C17orf75: variants seen among roughly 807,000 people sequenced by gnomAD.
The protein encoded by C17orf75 is chromosome 17 open reading frame 75.
Under a neutral mutation model 49.6 loss-of-function variants are expected in C17orf75, and 32 were observed. The observed-to-expected ratio is 0.65, with a 90% CI of 0.49 to 0.87. The LOEUF (loss-of-function observed/expected upper bound fraction) is 0.87, where lower values mean the gene tolerates loss of function less well. C17orf75 is among the 40% of genes least tolerant of loss of function. C17orf75 has a pLI of 0.00. For synonymous variants in C17orf75, 158 were observed against 159.5 expected, an observed-to-expected ratio of 0.99 and a Z score of 0.07; for missense variants, 428 against 473.9, an observed-to-expected ratio of 0.90 and a Z score of 0.90.
intron 4 of C17orf75, 86 bp downstream of exon 4, chr17:32,338,122 G>C: frequency 6.4e-7 from 1 of 1,568,034 alleles, no homozygotes; most frequent in Non-Finnish European, 8.7e-7. Flanking sequence ...GAGTAGAAAA[G>C]CTTTTTGGAG....
At position 32,331,505 on chromosome 17, in the gene C17orf75, C is replaced by T. The variant is rs1370273382; in HGVS notation, c.*258G>A. 3.0e-6 allele frequency: 1 copy of T among 338,536 alleles called. No homozygotes were observed. The highest frequency in any genetic ancestry group is 2.1e-5 in the African/African-American group (1 of 47,394). 21.0% of individuals were successfully genotyped at this position (338,536 alleles called of 1,614,324 possible). On this transcript the variant is annotated 3_prime_UTR_variant, in exon 10 of 10. Coordinates refer to ENST00000577809, the MANE Select transcript of C17orf75 (RefSeq NM_022344.4). Reference sequence around the variant, plus strand: ...ATCATCTCTGAAATTTTTTAAGCAACAACTTCCTGAAGCGTGGAATTTATG... The same window carrying T: ...ATCATCTCTGAAATTTTTTAAGCAATAACTTCCTGAAGCGTGGAATTTATG...
In C17orf75 at chr17:32,331,928, C is replaced by A; in HGVS notation, c.1026G>T (p.Met342Ile). 3 of 1,613,386 alleles carry A rather than the reference C, an allele frequency of 1.9e-6. No homozygotes were observed. Among genetic ancestry groups the A allele is most frequent in the Non-Finnish European group, 2.5e-6 (3 of 1,179,646 alleles). Reference protein sequence around the residue: ...NLKRFIRQAEMNHYALFKCYM... With the variant: ...NLKRFIRQAEINHYALFKCYM... ...AACATTTAAACAAAGCATAATGATT[C>A]ATTTCTGCCTGTCGGATAAATCTCT... Residue 342 changes from methionine to isoleucine, a missense_variant, in exon 10 of 10, where the codon ATG (methionine) becomes ATT (isoleucine). Coordinates refer to ENST00000577809, the MANE Select transcript of C17orf75 (RefSeq NM_022344.4).
At chr17:32,341,651 G>T in intron 1 of C17orf75, 1 of 361,502 alleles carries the variant, frequency 2.8e-6, no homozygotes, top group Non-Finnish European at 4.5e-6. Context: ...TGGGAGAAGT[G>T]GGGAGATAAT....
intron 5 of C17orf75, among the ~76,000 whole-genome samples, chr17:32,337,453 A>G (rs2150776499): frequency 1.3e-5 from 2 of 151,794 alleles, no homozygotes; most frequent in African/African-American, 4.8e-5. Context: ...ACAAAGCAAG[A>G]CCCTGTCTAA....
At chr17:32,337,656 C>T (rs2041338813) in intron 5 of C17orf75, among the ~76,000 whole-genome samples, 1 of 152,094 alleles carries the variant, frequency 6.6e-6, no homozygotes, top group Admixed American at 6.6e-5. Context: ...TCACTGAAAC[C>T]TCTGCCTCCC....
At chr17:32,342,319 CA>C, upstream of C17orf75, 11 of 1,042,248 alleles carry the variant, frequency 1.1e-5, no homozygotes, top group Non-Finnish European at 1.4e-5. Flanking sequence ...CAGGGGCTGA[CA>C]GGCGTACTGA....
intron 9 of C17orf75, 97 bp from the exon 10 acceptor site, chr17:32,332,075 T>C (rs2041279575): frequency 1.0e-6 from 1 of 972,234 alleles, no homozygotes; most frequent in South Asian, 1.7e-5. Flanking sequence ...CATATCTTCC[T>C]GAATTGTTTG....
In C17orf75 at chr17:32,331,605, G is replaced by T. The variant is rs1393491956; in HGVS notation, c.*158C>A. The T allele has an allele frequency of 1.5e-6, 1 of 655,118 alleles. No individual in the cohort carries two copies. Among genetic ancestry groups the T allele is most frequent in the African/African-American group, 1.8e-5 (1 of 54,820 alleles). 40.6% of individuals were successfully genotyped at this position (655,118 alleles called of 1,614,324 possible). A position where few individuals can be genotyped will look rare whatever the true frequency, so the allele number is the denominator to read the frequency against. Reference sequence around the variant, plus strand: ...TAGGACTCAGTGAAGATGTTCTTCAGATTTTTATTTAAGTTAAATTGGTAA... The same window carrying T: ...TAGGACTCAGTGAAGATGTTCTTCATATTTTTATTTAAGTTAAATTGGTAA... On this transcript the variant is annotated 3_prime_UTR_variant, in exon 10 of 10. Transcript: ENST00000577809.
At position 32,331,529 on chromosome 17, in the gene C17orf75, TG is replaced by T. The variant is rs1479823422; in HGVS notation, c.*233del. On this transcript the variant is annotated 3_prime_UTR_variant, in exon 10 of 10. Transcript: ENST00000577809. ...ACAACTTCCTGAAGCGTGGAATTTA[TG>T]GGGCCAGTGAGACACTAAAATTTCA... The T allele has an allele frequency of 2.5e-6, 1 of 403,466 alleles. No individual in the cohort carries two copies. The allele number at this position is 403,466 out of a possible 1,614,324, so 25.0% of individuals were successfully genotyped here.
chr17:32,345,999 C>T (rs1195595432), upstream of C17orf75, among the ~76,000 whole-genome samples: 2 of 152,152 alleles, frequency 1.3e-5, no homozygotes, highest in Non-Finnish European at 2.9e-5. Context: ...TTAGTATATA[C>T]ACATATCCAT....
At chr17:32,340,644 C>CAAAAAAA (rs762499682) in intron 2 of C17orf75, among the ~76,000 whole-genome samples, 1 of 122,570 alleles carries the variant, frequency 8.2e-6, no homozygotes. Context: ...GACTCTGTCT[C>CAAAAAAA]AAAAAAAAAA....
At chr17:32,342,232 C>T (rs1245733298), upstream of C17orf75, 7 of 1,387,128 alleles carry the variant, frequency 5.0e-6, no homozygotes, top group Admixed American at 2.7e-5. Context: ...GCTCCCGGCC[C>T]TCGCACACCT....
chr17:32,342,640 C>T (rs1236787748), upstream of C17orf75, among the ~76,000 whole-genome samples: 1 of 152,140 alleles, frequency 6.6e-6, no homozygotes, highest in Non-Finnish European at 1.5e-5. Context: ...AAAATGACTA[C>T]GTAAAAACTA....
In C17orf75 at chr17:32,328,903, A is replaced by G. The variant is rs1475019098; in HGVS notation, c.*2860T>C. 1.2e-5 allele frequency: 1 copy of G among 84,788 alleles called. No homozygotes were observed. The highest frequency in any genetic ancestry group is 2.4e-5 in the Non-Finnish European group (1 of 42,332). The allele number at this position is 84,788 out of a possible 1,614,324, so 5.3% of individuals were successfully genotyped here. ...AGATTCTGTCTTAAAAAATAAAACA[A>G]AAACAAAAAAAAAAACAACTTTAAA... On this transcript the variant is annotated 3_prime_UTR_variant, in exon 10 of 10. Coordinates refer to ENST00000577809, the MANE Select transcript of C17orf75 (RefSeq NM_022344.4).
upstream of C17orf75, chr17:32,343,826 G>C (rs2041403689): frequency 1.5e-6 from 1 of 673,398 alleles, no homozygotes; most frequent in Admixed American, 2.0e-5. Context: ...GTAGTCTCTT[G>C]AGATATACTT....
chr17:32,349,601 A>C (rs1355685779), intron 1 of C17orf75, among the ~76,000 whole-genome samples: 1 of 152,064 alleles, frequency 6.6e-6, no homozygotes, highest in African/African-American at 2.4e-5. Context: ...AACAAAACAA[A>C]GAAAAACAAA....
At chr17:32,343,743 C>G (rs991936423), upstream of C17orf75, 3 of 612,834 alleles carry the variant, frequency 4.9e-6, no homozygotes, top group Non-Finnish European at 8.8e-6. Flanking sequence ...GTTTCCTTAT[C>G]TCTCATTTCA....
rs1415031715 is a variant in C17orf75 at position 32,335,369 on chromosome 17, C to G, written c.623G>C (p.Arg208Thr). 4 of 1,613,790 alleles carry G rather than the reference C, an allele frequency of 2.5e-6. No homozygotes were observed. The highest frequency in any genetic ancestry group is 3.3e-5 in the Admixed American group (2 of 59,994). The change falls in exon 6 of 10, where the codon AGG becomes ACG. Residue 208 changes from arginine to threonine, a missense_variant. By Grantham distance (71) the Arg-to-Thr change is moderately conservative. Coordinates refer to ENST00000577809, the MANE Select transcript of C17orf75 (RefSeq NM_022344.4). ...WFEDVVCPIQ[R>T]VVLLFQEKLT... Reference sequence around the variant, plus strand: ...CTTTTCCTGAAAGAGAAGAACAACCCTTTGGATTGGGCATACAACATCCTC... The same window carrying G: ...CTTTTCCTGAAAGAGAAGAACAACCGTTTGGATTGGGCATACAACATCCTC...
chr17:32,341,791 C>A (rs1004378987), intron 1 of C17orf75: 1 of 1,053,498 alleles, frequency 9.5e-7, no homozygotes, highest in Middle Eastern at 4.4e-4. Context: ...CATGGTTGGG[C>A]CAGGCATACA....
Sources: allele counts gnomAD v4.1 joint callset (sites outside exome capture counted in the v4.1 genomes callset), GRCh38; gene constraint gnomAD v4.1.1; transcripts MANE v1.5; gene names NCBI Gene and HGNC (gene_info 2026-07-23, HGNC 2026-07-21).